Variants in ALG9 observed in about 807,000 individuals in gnomAD.
ALG9 encodes alpha-1,2-mannosyltransferase ALG9.
ALG9 carries 55 observed loss-of-function variants against 81.8 expected under a neutral mutation model. That is an observed-to-expected ratio of 0.67 (90% CI 0.54 to 0.84). The LOEUF (loss-of-function observed/expected upper bound fraction) is 0.84. Ranked by LOEUF, ALG9 falls within the 40% of genes least tolerant of loss-of-function variation. ALG9 has a pLI of 0.00. For missense variants in ALG9, 629 were observed against 745.0 expected (o/e 0.84, Z 1.81); for synonymous variants, 278 against 274.3 (o/e 1.01, Z -0.13).
At chr11:111,780,692 C>T (rs1248995440), downstream of ALG9, among the ~76,000 whole-genome samples, 1 of 152,182 alleles carries the variant, frequency 6.6e-6, no homozygotes, top group Middle Eastern at 3.2e-3. Flanking sequence ...CCACCATGTC[C>T]GGCCAACTTG....
intron 13 of ALG9, among the ~76,000 whole-genome samples, chr11:111,817,777 CTTTTTTT>C (rs530765413): frequency 3.0e-5 from 4 of 132,414 alleles, no homozygotes; most frequent in African/African-American, 5.5e-5. Context: ...ACTTGTATTT[CTTTTTTT>C]TTTTTTTTTT....
At chr11:111,870,825 T>C in intron 1 of ALG9, 2 of 1,006,742 alleles carry the variant, frequency 2.0e-6, no homozygotes, top group Non-Finnish European at 2.4e-6. Flanking sequence ...CTTAACAAGG[T>C]CATTGCTTTT....
chr11:111,871,022 G>A, intron 1 of ALG9: 1 of 1,064,356 alleles, frequency 9.4e-7, no homozygotes, highest in Non-Finnish European at 1.1e-6. Context: ...GAGAATAAAA[G>A]GAGCTGTGAG....
intron 1 of ALG9, 142 bp downstream of exon 1, chr11:111,871,210 G>A: frequency 1.5e-6 from 2 of 1,310,868 alleles, no homozygotes; most frequent in East Asian, 3.2e-5. Context: ...AGACCAATAG[G>A]ACCTAGCTGA....
chr11:111,778,971 C>T (rs1208562758), downstream of ALG9, among the ~76,000 whole-genome samples: 2 of 152,086 alleles, frequency 1.3e-5, no homozygotes, highest in Non-Finnish European at 1.5e-5. Context: ...TGCGCCACCA[C>T]GCCCGACTAA....
At chr11:111,866,498 C>T (rs1555153170) in intron 3 of ALG9, among the ~76,000 whole-genome samples, 1 of 152,020 alleles carries the variant, frequency 6.6e-6, no homozygotes, top group East Asian at 1.9e-4. Flanking sequence ...CTCTACTCAA[C>T]GTTATGATGC....
intron 13 of ALG9, among the ~76,000 whole-genome samples, chr11:111,821,518 G>A (rs1952374806): frequency 6.6e-6 from 1 of 152,170 alleles, no homozygotes; most frequent in Admixed American, 6.5e-5. Context: ...TAGTTTTGCT[G>A]AATCATAGGT....
chr11:111,773,171 T>C, the ALG9 span, among the ~76,000 whole-genome samples: 3 of 152,114 alleles, frequency 2.0e-5, no homozygotes, highest in African/African-American at 4.8e-5. Flanking sequence ...CTGGAGACTA[T>C]GTTCAAGGTG....
At chr11:111,869,321 T>C (rs782007585) in intron 2 of ALG9, among the ~76,000 whole-genome samples, 3 of 152,204 alleles carry the variant, frequency 2.0e-5, no homozygotes, top group Non-Finnish European at 4.4e-5. Flanking sequence ...ATTTTTTTAA[T>C]TCAAAATGTG....
the ALG9 span, among the ~76,000 whole-genome samples, chr11:111,770,271 T>C: frequency 6.6e-6 from 1 of 152,196 alleles, no homozygotes; most frequent in Non-Finnish European, 1.5e-5. Flanking sequence ...TGGTTTACAG[T>C]GTCCACTGGG....
At chr11:111,836,649 T>A (rs1555117908) in intron 12 of ALG9, 1 of 331,384 alleles carries the variant, frequency 3.0e-6, no homozygotes, top group Non-Finnish European at 5.8e-6. Context: ...AGAAAAAGAA[T>A]GAAATGTAAT....
At chr11:111,847,333 G>A (rs746008950) in intron 8 of ALG9, among the ~76,000 whole-genome samples, 13 of 152,184 alleles carry the variant, frequency 8.5e-5, no homozygotes, top group Admixed American at 6.5e-4. Flanking sequence ...GGGCATTTGC[G>A]GGTATCGTCT....
At chr11:111,817,777 C>CTTT (rs530765413) in intron 13 of ALG9, among the ~76,000 whole-genome samples, 2 of 132,414 alleles carry the variant, frequency 1.5e-5, no homozygotes, top group African/African-American at 2.8e-5. Flanking sequence ...ACTTGTATTT[C>CTTT]TTTTTTTTTT....
the ALG9 span, among the ~76,000 whole-genome samples, chr11:111,770,504 A>G: frequency 6.6e-6 from 1 of 152,024 alleles, no homozygotes; most frequent in Non-Finnish European, 1.5e-5. Flanking sequence ...CCTGAGCAAC[A>G]AAGCAAGACC....
chr11:111,810,365 T>A (rs1243256703), intron 13 of ALG9, among the ~76,000 whole-genome samples: 1 of 152,226 alleles, frequency 6.6e-6, no homozygotes, highest in Non-Finnish European at 1.5e-5. Flanking sequence ...TACATTAATA[T>A]TGTATATTAA....
At chr11:111,804,497 G>A (rs1369404061) in intron 14 of ALG9, among the ~76,000 whole-genome samples, 15 of 152,100 alleles carry the variant, frequency 9.9e-5, no homozygotes, top group African/African-American at 2.2e-4. Flanking sequence ...GGGCTGAGGC[G>A]AGAGAACTAC....
chr11:111,799,156 T>C (rs1948730016), intron 14 of ALG9, among the ~76,000 whole-genome samples: 1 of 152,216 alleles, frequency 6.6e-6, no homozygotes, highest in Non-Finnish European at 1.5e-5. Context: ...CAGTATAATT[T>C]TTTTTTGTAT....
At chr11:111,841,818 T>C (rs1956258881) in intron 9 of ALG9, among the ~76,000 whole-genome samples, 1 of 152,250 alleles carries the variant, frequency 6.6e-6, no homozygotes, top group African/African-American at 2.4e-5. Context: ...TTTCAACTTT[T>C]GCTCTAAGAC....
chr11:111,773,599 C>A, the ALG9 span, among the ~76,000 whole-genome samples: 41 of 152,038 alleles, frequency 2.7e-4, no homozygotes, highest in African/African-American at 9.2e-4. Flanking sequence ...AAGCCTTAGG[C>A]CTTTGAGTCC....
Sources: gnomAD v4.1 joint callset for allele counts (sites outside exome capture counted in the v4.1 genomes callset) on GRCh38, gnomAD v4.1.1 for gene constraint, MANE v1.5 for transcripts, NCBI Gene and HGNC (gene_info 2026-07-23, HGNC 2026-07-21) for gene names.